TMED3: variants seen among roughly 807,000 people sequenced by gnomAD.
The protein encoded by TMED3 is transmembrane p24 trafficking protein 3.
TMED3 carries 9 observed loss-of-function variants against 15.0 expected under a neutral mutation model. The ratio of observed to expected loss-of-function variants is 0.60; its 90% CI spans 0.36 to 1.04. The LOEUF (loss-of-function observed/expected upper bound fraction) is 1.04. TMED3 is among the 50% of genes least tolerant of loss of function. TMED3 has a pLI of 0.01. For synonymous variants in TMED3, 117 were observed against 121.4 expected, an observed-to-expected ratio of 0.96 and a Z score of 0.24; for missense variants, 267 against 278.9, an observed-to-expected ratio of 0.96 and a Z score of 0.30.
intron 2 of TMED3, among the ~76,000 whole-genome samples, chr15:79,356,801 A>G (rs746998155): frequency 6.6e-6 from 1 of 152,200 alleles, no homozygotes; most frequent in Non-Finnish European, 1.5e-5. Context: ...GTGTAGAGAT[A>G]TTCACTGCAG....
chr15:79,344,051 C>G (rs1389235909), intron 2 of TMED3, among the ~76,000 whole-genome samples: 1 of 152,122 alleles, frequency 6.6e-6, no homozygotes, highest in Non-Finnish European at 1.5e-5. Context: ...AAACACTCGG[C>G]CTACGTAGTT....
intron 2 of TMED3, among the ~76,000 whole-genome samples, chr15:79,343,210 C>T (rs1164993056): frequency 6.6e-6 from 1 of 152,140 alleles, no homozygotes; most frequent in Non-Finnish European, 1.5e-5. Flanking sequence ...TGGGACGGTG[C>T]ATACAACCTC....
chr15:79,311,649 C>A (rs1449098884), intron 1 of TMED3, among the ~76,000 whole-genome samples: 1 of 152,162 alleles, frequency 6.6e-6, no homozygotes, highest in Non-Finnish European at 1.5e-5. Flanking sequence ...GCCGCAGGTG[C>A]GAGCCCGGGA....
At chr15:79,320,607 G>C (rs2058762127) in intron 2 of TMED3, among the ~76,000 whole-genome samples, 1 of 152,124 alleles carries the variant, frequency 6.6e-6, no homozygotes, top group East Asian at 1.9e-4. Flanking sequence ...TGCATGCTTT[G>C]TGAATTCCTC....
At chr15:79,400,068 C>G (rs1201107213) in intron 2 of TMED3, among the ~76,000 whole-genome samples, 1 of 152,218 alleles carries the variant, frequency 6.6e-6, no homozygotes. Flanking sequence ...TTCTGCCTTT[C>G]TCTCCAGCCT....
chr15:79,380,533 A>G (rs909560899), intron 2 of TMED3, among the ~76,000 whole-genome samples: 8 of 147,218 alleles, frequency 5.4e-5, no homozygotes, highest in African/African-American at 2.0e-4. Context: ...AGTTATATAT[A>G]TGTAGTTATA....
chr15:79,364,834 C>G (rs879330110), intron 2 of TMED3, among the ~76,000 whole-genome samples: 1 of 152,132 alleles, frequency 6.6e-6, no homozygotes, highest in Non-Finnish European at 1.5e-5. Context: ...CCTCCACCAC[C>G]CAGTAAAACC....
chr15:79,333,963 G>A (rs1171212467), intron 2 of TMED3, among the ~76,000 whole-genome samples: 1 of 152,124 alleles, frequency 6.6e-6, no homozygotes, highest in Non-Finnish European at 1.5e-5. Flanking sequence ...ATCCTCCTAA[G>A]CATTTGTGGT....
chr15:79,342,783 C>CT (rs1447354950), intron 2 of TMED3, among the ~76,000 whole-genome samples: 5 of 152,138 alleles, frequency 3.3e-5, no homozygotes, highest in Non-Finnish European at 4.4e-5. Flanking sequence ...CTGGGCCCTG[C>CT]TTAGCACTGG....
intron 2 of TMED3, among the ~76,000 whole-genome samples, chr15:79,315,383 G>A (rs781548408): frequency 3.3e-4 from 51 of 152,288 alleles, no homozygotes; most frequent in Non-Finnish European, 6.3e-4. Context: ...TGATCTTTGG[G>A]CTTTTGGCAA....
At chr15:79,335,897 T>A (rs2058825317) in intron 2 of TMED3, among the ~76,000 whole-genome samples, 1 of 152,190 alleles carries the variant, frequency 6.6e-6, no homozygotes, top group Admixed American at 6.5e-5. Flanking sequence ...AGTGCTTTTT[T>A]GTGTGGCATT....
Position 79,401,100 on chromosome 15 carries a change from G to A in TMED3, c.418-10300G>A, listed in dbSNP as rs116645765. On this transcript the variant is annotated intron_variant, in intron 2 of 2. Coordinates refer to the TMED3 transcript ENST00000424155. ...ATACCATGGGGAGTGACTACTATGC[G>A]CCTTAGGATTTTTATTTCCTTTCTT... Among the ~76,000 whole-genome samples the A allele has an allele frequency of 4.6e-3, 694 of 152,220 alleles. 3 individuals carry two copies. The highest frequency in any genetic ancestry group is 0.016 in the African/African-American group (670 of 41,526).
downstream of TMED3, among the ~76,000 whole-genome samples, chr15:79,326,806 G>C (rs556518550): frequency 5.3e-5 from 8 of 152,178 alleles, no homozygotes; most frequent in Non-Finnish European, 1.0e-4. Context: ...AAAGAGGCCT[G>C]AGGGAAGGCC....
intron 2 of TMED3, among the ~76,000 whole-genome samples, chr15:79,363,700 A>AT (rs1893175234): frequency 6.6e-6 from 1 of 152,214 alleles, no homozygotes; most frequent in Admixed American, 6.5e-5. Context: ...GAAATTGTTA[A>AT]TTTTCTCCAG....
chr15:79,311,143 A>T lies in TMED3; in HGVS notation c.-107A>T. The stretch of plus-strand genomic sequence containing the variant: ...GGAAGCGCAGAGCTCCGCTGGTGCC[A>T]CGTCTATCCCCTTACATCCTCCTAG... On this transcript the variant is annotated 5_prime_UTR_variant, in exon 1 of 3. Transcript: ENST00000299705. The T allele has an allele frequency of 8.0e-7, 1 of 1,255,062 alleles. No individual in the cohort carries two copies. Among genetic ancestry groups the T allele is most frequent in the Non-Finnish European group, 1.1e-6 (1 of 945,428 alleles). 77.7% of individuals were successfully genotyped at this position (1,255,062 alleles called of 1,614,324 possible).
chr15:79,398,161 C>T (rs998996748), intron 2 of TMED3, among the ~76,000 whole-genome samples: 2 of 152,146 alleles, frequency 1.3e-5, no homozygotes, highest in Non-Finnish European at 2.9e-5. Flanking sequence ...CTCCATCCAA[C>T]CCCTGGCAAC....
intron 2 of TMED3, among the ~76,000 whole-genome samples, chr15:79,362,702 T>C (rs936836834): frequency 6.6e-5 from 10 of 152,094 alleles, no homozygotes; most frequent in African/African-American, 2.4e-4. Flanking sequence ...TGAGATCTGA[T>C]GGTTTTATAA....
intron 2 of TMED3, among the ~76,000 whole-genome samples, chr15:79,355,559 C>T (rs1459748516): frequency 2.6e-5 from 4 of 152,160 alleles, no homozygotes; most frequent in Non-Finnish European, 5.9e-5. Context: ...GCCAGACATC[C>T]ACAATAACCA....
At chr15:79,400,565 G>A (rs1474202355) in intron 2 of TMED3, among the ~76,000 whole-genome samples, 3 of 152,254 alleles carry the variant, frequency 2.0e-5, no homozygotes, top group East Asian at 1.9e-4. Context: ...GAGCCTTCTC[G>A]TTATCATTAC....
Sources: gnomAD v4.1 joint callset for allele counts (sites outside exome capture counted in the v4.1 genomes callset) on GRCh38, gnomAD v4.1.1 for gene constraint, MANE v1.5 for transcripts, NCBI Gene and HGNC (gene_info 2026-07-23, HGNC 2026-07-21) for gene names.